Variants in PLCL2 observed in about 807,000 individuals in gnomAD.
The protein encoded by PLCL2 is phospholipase C like 2, also known as inactive phospholipase C-like protein 2.
In PLCL2, 4 loss-of-function variants were observed where a neutral mutation model predicts 79.6. The observed-to-expected ratio is 0.05, with a 90% CI of 0.02 to 0.11. PLCL2 has a LOEUF of 0.11. PLCL2 is among the 10% of genes least tolerant of loss of function. The pLI, the probability that PLCL2 is intolerant of heterozygous loss-of-function variation, is 1.00. For synonymous variants in PLCL2, 484 were observed against 457.7 expected (o/e 1.06, Z -0.73); for missense variants, 895 against 1,291.0 (o/e 0.69, Z 4.70).
chr3:16,896,387 C>G (rs1390770307), intron 1 of PLCL2, among the ~76,000 whole-genome samples: 1 of 152,166 alleles, frequency 6.6e-6, no homozygotes, highest in Non-Finnish European at 1.5e-5. Flanking sequence ...ACAAAAGGAG[C>G]TGGGCCTGGG....
intron 1 of PLCL2, among the ~76,000 whole-genome samples, chr3:16,939,582 G>A (rs1275079811): frequency 6.6e-6 from 1 of 152,236 alleles, no homozygotes; most frequent in East Asian, 1.9e-4. Flanking sequence ...TATCAGATAT[G>A]TGTGTGCAGT....
In PLCL2 at chr3:17,033,666, A is replaced by G. The variant is rs9881675; in HGVS notation, c.3019-9208A>G. On this transcript the variant is annotated intron_variant, in intron 3 of 5. Coordinates refer to ENST00000615277, the MANE Select transcript of PLCL2 (RefSeq NM_001144382.2). The stretch of plus-strand genomic sequence containing the variant: ...ATGTGTTATGAGCTACACCCTCTAC[A>G]TCTTGTGTTACAATTTTCCGTTAGA... Among the ~76,000 whole-genome samples the G allele has an allele frequency of 2.3e-3, 344 of 152,248 alleles. 2 individuals carry two copies. Among genetic ancestry groups the G allele is most frequent in the African/African-American group, 7.7e-3 (322 of 41,556 alleles).
chr3:16,919,131 A>G (rs1400095880), intron 1 of PLCL2, among the ~76,000 whole-genome samples: 1 of 152,198 alleles, frequency 6.6e-6, no homozygotes, highest in Non-Finnish European at 1.5e-5. Context: ...TTTGGAGCCA[A>G]AATTTAAATT....
intron 1 of PLCL2, among the ~76,000 whole-genome samples, chr3:16,934,563 G>A (rs115063857): frequency 1.0e-3 from 152 of 152,238 alleles, no homozygotes; most frequent in African/African-American, 1.8e-3. Context: ...TTGGACATAA[G>A]GCTATGGGAG....
intron 1 of PLCL2, among the ~76,000 whole-genome samples, chr3:16,980,125 C>T (rs1308793852): frequency 1.3e-5 from 1 of 75,454 alleles, no homozygotes; most frequent in Non-Finnish European, 2.6e-5. Context: ...CCGGACGGGG[C>T]AGCTGGCCGG....
intron 1 of PLCL2, among the ~76,000 whole-genome samples, chr3:16,925,418 A>G (rs1331417180): frequency 2.6e-5 from 4 of 152,070 alleles, no homozygotes; most frequent in Non-Finnish European, 5.9e-5. Flanking sequence ...TTCTCATACC[A>G]TACAATCTAT....
Position 16,896,408 on chromosome 3 carries a change from A to T in PLCL2, c.327+11042A>T, listed in dbSNP as rs539379333. Among the ~76,000 whole-genome samples, 7 of 152,294 alleles carry T rather than the reference A, an allele frequency of 4.6e-5. No homozygotes were observed. In the South Asian group the frequency reaches 1.2e-3, roughly 27 times the overall value. Reference sequence around the variant, plus strand: ...GGAGCTGGGCCTGGGTGGAAAGTTGACACATTAGTGAAGAGTGTGTTGGTC... The same window carrying T: ...GGAGCTGGGCCTGGGTGGAAAGTTGTCACATTAGTGAAGAGTGTGTTGGTC... On this transcript the variant is annotated intron_variant, in intron 1 of 5. Transcript: ENST00000615277.
chr3:17,036,781 A>C (rs1021907012), intron 3 of PLCL2, among the ~76,000 whole-genome samples: 2 of 152,186 alleles, frequency 1.3e-5, no homozygotes, highest in African/African-American at 2.4e-5. Context: ...ATTTATAAAA[A>C]CTGAAATTTA....
At chr3:16,931,894 G>A (rs977068395) in intron 1 of PLCL2, among the ~76,000 whole-genome samples, 1 of 152,150 alleles carries the variant, frequency 6.6e-6, no homozygotes, top group African/African-American at 2.4e-5. Flanking sequence ...CCAGTGTGAT[G>A]ATTTGAGATA....
rs1696187322 is a variant in PLCL2, at chr3:16,885,247, G to T, written c.208G>T (p.Ala70Ser). ...SLGVSGDEAR[A>S]SPTRGPRGVA... ...CGGCGTGTCCGGGGACGAAGCCCGG[G>T]CTAGCCCTACCAGGGGACCCCGCGG... Residue 70 changes from alanine (A) to serine (S), a missense_variant, in exon 1 of 6, where the codon GCT (alanine) becomes TCT (serine). Physicochemically the swap from Ala to Ser is moderately conservative, Grantham distance 99. This residue lies in a region of PLCL2 where 110 missense variants were observed against 42.9 expected (regional missense o/e 2.56). Transcript: ENST00000615277. The T allele has an allele frequency of 1.5e-6, 1 of 667,956 alleles. No homozygotes were observed. Among genetic ancestry groups the T allele is most frequent in the African/African-American group, 1.8e-5 (1 of 54,426 alleles). 41.4% of individuals were successfully genotyped at this position (667,956 alleles called of 1,614,324 possible). A position where few individuals can be genotyped will look rare whatever the true frequency, so the allele number is the denominator to read the frequency against.
chr3:16,931,020 C>T (rs1471958846), intron 1 of PLCL2, among the ~76,000 whole-genome samples: 1 of 151,978 alleles, frequency 6.6e-6, no homozygotes, highest in Non-Finnish European at 1.5e-5. Context: ...AACTCCAATG[C>T]CTTCTGCTTG....
chr3:16,924,779 C>G (rs140195145), intron 1 of PLCL2, among the ~76,000 whole-genome samples: 1 of 152,204 alleles, frequency 6.6e-6, no homozygotes, highest in African/African-American at 2.4e-5. Flanking sequence ...CAGCATTGTT[C>G]AGTATAAGTC....
chr3:16,885,282 C>G lies in PLCL2; in HGVS notation c.243C>G (p.Leu81=), dbSNP rs1028651362. Residue 81 remains leucine (L), a synonymous_variant, in exon 1 of 6, where the codon CTC becomes CTG. Transcript: ENST00000615277. The part of the protein sequence containing the change: ...SPTRGPRGVA[L]APTPSAVVCT... ...CCAGGGGACCCCGCGGCGTTGCGCT[C>G]GCCCCGACCCCCAGCGCGGTCGTCT... The G allele has an allele frequency of 6.1e-6, 4 of 661,054 alleles. No homozygotes were observed. In the Admixed American group the frequency reaches 6.8e-5, roughly 11 times the overall value. 40.9% of individuals were successfully genotyped at this position (661,054 alleles called of 1,614,324 possible). A position where few individuals can be genotyped will look rare whatever the true frequency, so the allele number is the denominator to read the frequency against.
intron 1 of PLCL2, among the ~76,000 whole-genome samples, chr3:16,983,151 C>T (rs2064017187): frequency 1.3e-5 from 2 of 152,212 alleles, no homozygotes; most frequent in South Asian, 4.1e-4. Context: ...TTACCTTGTA[C>T]ACATATTAAG....
chr3:17,048,165 T>C (rs1242396671), intron 4 of PLCL2, among the ~76,000 whole-genome samples: 1 of 151,350 alleles, frequency 6.6e-6, no homozygotes. Flanking sequence ...CATCACCACC[T>C]GTCACTTGGT....
intron 5 of PLCL2, among the ~76,000 whole-genome samples, chr3:17,072,665 T>G (rs1436819624): frequency 3.7e-5 from 5 of 133,962 alleles, no homozygotes; most frequent in Admixed American, 3.7e-4. Context: ...CGAGACTGTC[T>G]CAAAGAAAAA....
chr3:16,940,006 G>C (rs894280140), intron 1 of PLCL2, among the ~76,000 whole-genome samples: 2 of 152,172 alleles, frequency 1.3e-5, no homozygotes, highest in Non-Finnish European at 2.9e-5. Flanking sequence ...ATTTGAGACA[G>C]TGGCATTCAA....
chr3:16,906,961 T>C (rs1032596632), intron 1 of PLCL2, among the ~76,000 whole-genome samples: 8 of 152,204 alleles, frequency 5.3e-5, no homozygotes, highest in Non-Finnish European at 8.8e-5. Flanking sequence ...TTTTCCCCGC[T>C]GAGTTGCAGA....
chr3:16,970,058 A>ATTTTTT lies in PLCL2; in HGVS notation c.328-39612_328-39611insTTTTTT, dbSNP rs139259596. On this transcript the variant is annotated intron_variant, in intron 1 of 5. Coordinates refer to ENST00000615277, the MANE Select transcript of PLCL2 (RefSeq NM_001144382.2). ...TTGATTTATATATATATATATATAT[A>ATTTTTT]TTTTATTTTATTATTATTACACTTT... Among the ~76,000 whole-genome samples, 626 of 145,762 alleles carry ATTTTTT rather than the reference A, an allele frequency of 4.3e-3. 4 individuals carry two copies. Among genetic ancestry groups the ATTTTTT allele is most frequent in the African/African-American group, 0.013 (517 of 40,446 alleles).
Sources: gnomAD v4.1 joint callset for allele counts (sites outside exome capture counted in the v4.1 genomes callset) on GRCh38, gnomAD v4.1.1 for gene constraint, gnomAD v4.1.1 regional missense constraint, MANE v1.5 for transcripts, NCBI Gene and HGNC (gene_info 2026-07-23, HGNC 2026-07-21) for gene names.